The following DHRS9 variants were observed in gnomAD, a reference collection of about 807,000 sequenced individuals.
DHRS9 encodes dehydrogenase/reductase SDR family member 9.
In DHRS9, 18 loss-of-function variants were observed where a neutral mutation model predicts 26.6. The observed-to-expected ratio is 0.68, with a 90% CI of 0.47 to 1.00. The LOEUF is 1.00. Among genes scored for constraint, DHRS9 ranks in the 50% least tolerant of loss-of-function variants. The pLI is 0.00. For missense variants in DHRS9, 425 were observed against 378.7 expected, an observed-to-expected ratio of 1.12 and a Z score of -1.01; for synonymous variants, 134 against 141.1, an observed-to-expected ratio of 0.95 and a Z score of 0.36.
intron 1 of DHRS9, among the ~76,000 whole-genome samples, chr2:169,075,016 G>A (rs1683922753): frequency 6.6e-6 from 1 of 152,120 alleles, no homozygotes. Flanking sequence ...GAGTAAAGAG[G>A]GAATCCAACT....
chr2:169,068,022 G>C (rs545115094), upstream of DHRS9, among the ~76,000 whole-genome samples: 2 of 152,170 alleles, frequency 1.3e-5, no homozygotes, highest in Non-Finnish European at 2.9e-5. Context: ...GGCTGCACTA[G>C]GCGAGTTCAT....
At chr2:169,067,503 G>A (rs1683678570), upstream of DHRS9, among the ~76,000 whole-genome samples, 1 of 152,196 alleles carries the variant, frequency 6.6e-6, no homozygotes, top group African/African-American at 2.4e-5. Context: ...TGTGTTGTCT[G>A]TGGTGGCATC....
chr2:169,087,378 A>G (rs1027140201), intron 3 of DHRS9, among the ~76,000 whole-genome samples: 1 of 151,840 alleles, frequency 6.6e-6, no homozygotes, highest in Non-Finnish European at 1.5e-5. Flanking sequence ...ATTTCAGGGC[A>G]CTGGGCTCCC....
chr2:169,094,425 G>T (rs1413013189), intron 4 of DHRS9, among the ~76,000 whole-genome samples: 1 of 151,926 alleles, frequency 6.6e-6, no homozygotes, highest in Non-Finnish European at 1.5e-5. Context: ...TTTTTAGTTG[G>T]ATACAGTCCC....
intron 3 of DHRS9, among the ~76,000 whole-genome samples, chr2:169,083,968 C>A (rs1489003292): frequency 6.6e-6 from 1 of 150,844 alleles, no homozygotes; most frequent in Admixed American, 6.6e-5. Flanking sequence ...ATTTCTGTAC[C>A]CCCTAACCAT....
chr2:169,095,629 T>C lies in DHRS9; in HGVS notation c.822T>C (p.Ser274=). Residue 274 remains serine (S), a synonymous_variant, in exon 5 of 5, where the codon AGT becomes AGC. Transcript: ENST00000674881. The part of the protein sequence containing the change: ...VVECMDHALT[S]LFPKTHYAAG... ...AGTGCATGGACCACGCTCTAACAAG[T>C]CTCTTCCCTAAGACTCATTATGCCG... The C allele has an allele frequency of 6.2e-7, 1 of 1,613,928 alleles. No homozygotes were observed. Among genetic ancestry groups the C allele is most frequent in the Non-Finnish European group, 8.5e-7 (1 of 1,179,906 alleles).
Position 169,091,603 on chromosome 2 carries a change from T to C in DHRS9, c.573-187T>C, listed in dbSNP as rs116793705. ...TTCCTGTCCTGCCGTTAACTAGTCCTCACTTCACCACTCTGAACCTCAGTT... is the reference window on the plus strand; with the variant it reads ...TTCCTGTCCTGCCGTTAACTAGTCCCCACTTCACCACTCTGAACCTCAGTT... On this transcript the variant is annotated intron_variant, in intron 3 of 4. Coordinates refer to ENST00000674881, the MANE Select transcript of DHRS9 (RefSeq NM_001376924.1). Among the ~76,000 whole-genome samples the C allele has an allele frequency of 3.6e-3, 544 of 152,334 alleles. 1 individual carries two copies. Among genetic ancestry groups the C allele is most frequent in the Middle Eastern group, 0.014 (4 of 294 alleles).
rs143244194 is a variant in DHRS9, at chr2:169,078,705, G to A, written c.-59-2818G>A. 9.9e-3 allele frequency among the ~76,000 whole-genome samples: 1,499 copies of A among 151,634 alleles called. 15 individuals are homozygous for A. Among genetic ancestry groups the A allele is most frequent in the Middle Eastern group, 0.045 (13 of 292 alleles). ...AACTATACCAAATTATTAAGCCATG[G>A]TAATCTAAAAAGTTGACTACTTCAG... is the stretch of plus-strand genomic sequence containing the variant. On this transcript the variant is annotated intron_variant, in intron 1 of 4. Transcript: ENST00000674881.
At chr2:169,087,919 A>G (rs1365043756) in intron 3 of DHRS9, among the ~76,000 whole-genome samples, 2 of 152,032 alleles carry the variant, frequency 1.3e-5, no homozygotes, top group Non-Finnish European at 2.9e-5. Flanking sequence ...AAAGGGAAGG[A>G]GTCTCTCCAA....
chr2:169,077,990 AGAT>A (rs1396572533), intron 1 of DHRS9, among the ~76,000 whole-genome samples: 1 of 152,226 alleles, frequency 6.6e-6, no homozygotes, highest in Non-Finnish European at 1.5e-5. Flanking sequence ...ATCATGGACA[AGAT>A]GTGAAGTGTC....
chr2:169,093,296 TA>T (rs1313274622), intron 4 of DHRS9, among the ~76,000 whole-genome samples: 20 of 151,910 alleles, frequency 1.3e-4, no homozygotes, highest in African/African-American at 4.8e-4. Flanking sequence ...GAGAGGTTTT[TA>T]AAATGACTGA....
intron 3 of DHRS9, 62 bp downstream of exon 3, chr2:169,083,649 G>A: frequency 6.4e-7 from 1 of 1,568,152 alleles, no homozygotes. Context: ...GAATGCTTAT[G>A]TACAAGACAT....
intron 1 of DHRS9, chr2:169,072,574 G>A: frequency 1.0e-6 from 1 of 984,796 alleles, no homozygotes; most frequent in Non-Finnish European, 1.2e-6. Context: ...TTTTTTACTA[G>A]GAAAACAAAC....
Position 169,095,598 on chromosome 2 carries a change from T to C in DHRS9, c.791T>C (p.Val264Ala), listed in dbSNP as rs771190324. ...KSYVNMDLSP[V>A]VECMDHALTS... The stretch of plus-strand genomic sequence containing the variant: ...TATGTGAACATGGACCTCTCTCCGG[T>C]GGTAGAGTGCATGGACCACGCTCTA... Residue 264 changes from valine to alanine, a missense_variant, in exon 5 of 5, where the codon GTG becomes GCG. Physicochemically the swap from Val to Ala is moderately conservative, Grantham distance 64. Transcript: ENST00000674881. 1 of 1,613,876 alleles carries C rather than the reference T, an allele frequency of 6.2e-7. No homozygotes were observed. Among genetic ancestry groups the C allele is most frequent in the East Asian group, 2.2e-5 (1 of 44,870 alleles).
rs769680564 is a variant in DHRS9, at chr2:169,091,890, G to A, written c.673G>A (p.Ala225Thr). 2.1e-5 allele frequency: 34 copies of A among 1,613,808 alleles called. 1 individual carries two copies. The East Asian group carries it at 4.5e-4, about 21-fold the overall frequency. ...DPVKVIEKKL[A>T]IWEQLSPDIK... Reference sequence around the variant, plus strand: ...AGTAAAGGTAATTGAAAAAAAACTCGCCATTTGGGAGCAGCTGTCTCCAGA... The same window carrying A: ...AGTAAAGGTAATTGAAAAAAAACTCACCATTTGGGAGCAGCTGTCTCCAGA... Residue 225 changes from alanine to threonine, a missense_variant, in exon 4 of 5, where the codon GCC becomes ACC. Physicochemically the swap from Ala to Thr is moderately conservative, Grantham distance 58. Coordinates refer to ENST00000674881, the MANE Select transcript of DHRS9 (RefSeq NM_001376924.1).
At chr2:169,091,275 A>G (rs894512555) in intron 3 of DHRS9, among the ~76,000 whole-genome samples, 3 of 143,642 alleles carry the variant, frequency 2.1e-5, no homozygotes, top group Non-Finnish European at 4.5e-5. Context: ...ATAAAATAAA[A>G]TAAAATAAAA....
chr2:169,093,420 C>T (rs1684597070), intron 4 of DHRS9, among the ~76,000 whole-genome samples: 1 of 152,206 alleles, frequency 6.6e-6, no homozygotes, highest in African/African-American at 2.4e-5. Context: ...GTCTTACAAA[C>T]ATCTTAGTGC....
chr2:169,081,377 CAACA>C, intron 1 of DHRS9, 142 bp from the exon 2 acceptor site: 1 of 1,133,068 alleles, frequency 8.8e-7, no homozygotes, highest in Non-Finnish European at 1.2e-6. Context: ...GCCATCTTCC[CAACA>C]AACAACCAAA....
rs76184631 is a variant in DHRS9 at position 169,072,008 on chromosome 2, G to GTT, written c.-60+2306_-60+2307dup. Reference sequence around the variant, plus strand: ...GAAGAAATCTCTAAAAGCCACCTGGGTTTTTTTTTTTTTTTTAAACAAAAC... The same window carrying GTT: ...GAAGAAATCTCTAAAAGCCACCTGGGTTTTTTTTTTTTTTTTTTAAACAAAAC... On this transcript the variant is annotated intron_variant, in intron 1 of 4. Transcript: ENST00000674881. 3.4e-4 allele frequency among the ~76,000 whole-genome samples: 41 copies of GTT among 122,372 alleles called. 1 individual carries two copies. The highest frequency in any genetic ancestry group is 1.0e-3 in the African/African-American group (37 of 35,348). The allele number at this position is 122,372 out of a possible 152,430, so 80.3% of individuals were successfully genotyped here. A position where few individuals can be genotyped will look rare whatever the true frequency, so the allele number is the denominator to read the frequency against.
Sources: gnomAD v4.1 joint callset for allele counts (sites outside exome capture counted in the v4.1 genomes callset) on GRCh38, gnomAD v4.1.1 for gene constraint, MANE v1.5 for transcripts, NCBI Gene and HGNC (gene_info 2026-07-23, HGNC 2026-07-21) for gene names.